PCSK1: variants seen among roughly 807,000 people sequenced by gnomAD.
PCSK1 encodes the protein neuroendocrine convertase 1.
Under a neutral mutation model 90.6 loss-of-function variants are expected in PCSK1, and 56 were observed. That is an observed-to-expected ratio of 0.62 (90% CI 0.50 to 0.77). The LOEUF (loss-of-function observed/expected upper bound fraction) is 0.77, where lower values mean the gene tolerates loss of function less well. PCSK1 is among the 30% of genes least tolerant of loss of function. The pLI is 0.00. For missense variants in PCSK1, 801 were observed against 932.6 expected (o/e 0.86, Z 1.84); for synonymous variants, 348 against 342.4 (o/e 1.02, Z -0.18).
At chr5:96,410,045 C>A (rs1760702771) in intron 8 of PCSK1, among the ~76,000 whole-genome samples, 1 of 152,104 alleles carries the variant, frequency 6.6e-6, no homozygotes, top group Non-Finnish European at 1.5e-5. Context: ...CTAGTTGGTC[C>A]TTTCTGTGTC....
intron 2 of PCSK1, among the ~76,000 whole-genome samples, chr5:96,427,194 A>T (rs998225109): frequency 1.3e-5 from 2 of 152,220 alleles, no homozygotes; most frequent in Admixed American, 6.5e-5. Flanking sequence ...AAAGAGCAAT[A>T]AAATGAAAAC....
Position 96,410,913 on chromosome 5 carries a change from C to T in PCSK1, c.956G>A (p.Cys319Tyr), listed in dbSNP as rs750942658. ...GTAGATGCTGTCTGTGTAGCCATCA[C>T]AGTCACAATTATCTCCCTGACGCCC... ...NGGRQGDNCD[C>Y]DGYTDSIYTI... The change falls in exon 8 of 14, where the codon TGT becomes TAT. Residue 319 changes from cysteine (C) to tyrosine (Y), a missense_variant. Cys to Tyr is a radical substitution (Grantham distance 194). Coordinates refer to ENST00000311106, the MANE Select transcript of PCSK1 (RefSeq NM_000439.5). The T allele has an allele frequency of 1.9e-6, 3 of 1,613,384 alleles. No individual in the cohort carries two copies. The highest frequency in any genetic ancestry group is 2.5e-6 in the Non-Finnish European group (3 of 1,179,804).
At chr5:96,402,273 G>A (rs567393661) in intron 9 of PCSK1, among the ~76,000 whole-genome samples, 2 of 152,196 alleles carry the variant, frequency 1.3e-5, no homozygotes, top group South Asian at 2.1e-4. Flanking sequence ...CACGACACAC[G>A]GGGAAGCTGC....
chr5:96,391,195 G>A lies in PCSK1; in HGVS notation c.*1806C>T, dbSNP rs559780475. ...TAGGAGAACATTCTCTAAGCATTAC[G>A]GGCATTGCTCTGCAAACACCCTCTA... On this transcript the variant is annotated 3_prime_UTR_variant, in exon 14 of 14. Transcript: ENST00000311106. The A allele has an allele frequency of 1.3e-5, 2 of 152,240 alleles. No individual in the cohort carries two copies. Among genetic ancestry groups the A allele is most frequent in the Admixed American group, 6.5e-5 (1 of 15,286 alleles). The allele number at this position is 152,240 out of a possible 1,614,324, so 9.4% of individuals were successfully genotyped here. A position where few individuals can be genotyped will look rare whatever the true frequency, so the allele number is the denominator to read the frequency against.
intron 12 of PCSK1, among the ~76,000 whole-genome samples, chr5:96,395,815 T>C (rs568991247): frequency 1.4e-5 from 2 of 142,040 alleles, no homozygotes; most frequent in Admixed American, 7.2e-5. Flanking sequence ...AAGAGGTCTA[T>C]AAAGTTCAAT....
chr5:96,428,639 A>G (rs1561378359), intron 2 of PCSK1, among the ~76,000 whole-genome samples: 1 of 152,190 alleles, frequency 6.6e-6, no homozygotes, highest in South Asian at 2.1e-4. Flanking sequence ...CCAACAATAG[A>G]TTACTTATGG....
intron 11 of PCSK1, among the ~76,000 whole-genome samples, chr5:96,397,973 TAAAG>T (rs958923647): frequency 2.0e-5 from 3 of 152,038 alleles, no homozygotes; most frequent in Admixed American, 2.0e-4. Context: ...ATTAATTTCT[TAAAG>T]ATATATTAAT....
At chr5:96,415,588 T>A (rs945086756) in intron 6 of PCSK1, among the ~76,000 whole-genome samples, 1 of 152,174 alleles carries the variant, frequency 6.6e-6, no homozygotes, top group Non-Finnish European at 1.5e-5. Flanking sequence ...AAGATAAAAT[T>A]TGGCTATTTA....
At chr5:96,405,731 AAAAG>A (rs1760537817) in intron 9 of PCSK1, among the ~76,000 whole-genome samples, 1 of 152,224 alleles carries the variant, frequency 6.6e-6, no homozygotes, top group Non-Finnish European at 1.5e-5. Flanking sequence ...ACTATACAGA[AAAAG>A]AAGCCTTGAG....
intron 9 of PCSK1, among the ~76,000 whole-genome samples, chr5:96,407,497 A>ACT (rs1279622342): frequency 0.02 from 3,054 of 152,300 alleles, 104 homozygotes; most frequent in African/African-American, 0.07. Flanking sequence ...TCCTGGAGGG[A>ACT]ATATAAAATG....
At position 96,430,310 on chromosome 5, in the gene PCSK1, T is replaced by G. The variant is rs1761452026; in HGVS notation, c.181-993A>C. On this transcript the variant is annotated intron_variant, in intron 1 of 13. Transcript: ENST00000311106. ...ACCAAATCCTCTAGGTAACCCTGCA[T>G]TTTTAAAATTAAGAAACAAACAGTT... Among the ~76,000 whole-genome samples, 5 of 152,360 alleles carry G rather than the reference T, an allele frequency of 3.3e-5. 1 individual carries two copies. The South Asian group carries it at 1.0e-3, about 32-fold the overall frequency.
intron 5 of PCSK1, among the ~76,000 whole-genome samples, chr5:96,420,509 C>A (rs1254138790): frequency 6.6e-6 from 1 of 152,124 alleles, no homozygotes; most frequent in Non-Finnish European, 1.5e-5. Flanking sequence ...TAGTCACCCT[C>A]AAAGAAATAA....
intron 1 of PCSK1, among the ~76,000 whole-genome samples, chr5:96,431,113 C>T (rs1385777411): frequency 1.3e-5 from 2 of 152,182 alleles, no homozygotes; most frequent in Admixed American, 1.3e-4. Flanking sequence ...TGTCCACCCC[C>T]ATAGGTCATA....
chr5:96,413,227 G>A (rs1760829088), intron 6 of PCSK1, among the ~76,000 whole-genome samples: 1 of 152,148 alleles, frequency 6.6e-6, no homozygotes, highest in South Asian at 2.1e-4. Context: ...CACCCCCAAG[G>A]GGAATCATTT....
At chr5:96,403,297 G>T (rs1033784683) in intron 9 of PCSK1, among the ~76,000 whole-genome samples, 1 of 151,770 alleles carries the variant, frequency 6.6e-6, no homozygotes, top group Non-Finnish European at 1.5e-5. Flanking sequence ...TAAGTTCTAG[G>T]GTACATGTGC....
intron 12 of PCSK1, among the ~76,000 whole-genome samples, chr5:96,395,916 T>C (rs970564184): frequency 3.3e-5 from 5 of 152,292 alleles, no homozygotes; most frequent in Admixed American, 6.5e-5. Context: ...GGCTCAACAA[T>C]TATAAATAAT....
At chr5:96,430,569 C>A (rs1761459331) in intron 1 of PCSK1, among the ~76,000 whole-genome samples, 1 of 152,056 alleles carries the variant, frequency 6.6e-6, no homozygotes, top group Non-Finnish European at 1.5e-5. Flanking sequence ...CTACCTTAAT[C>A]CAAGCTTTAT....
intron 1 of PCSK1, chr5:96,432,214 C>G: frequency 8.2e-7 from 1 of 1,225,446 alleles, no homozygotes; most frequent in Non-Finnish European, 1.2e-6. Flanking sequence ...GCCGGAGCTC[C>G]CTAGAGAGTC....
chr5:96,425,036 G>GAAAT (rs1192324443), intron 3 of PCSK1, among the ~76,000 whole-genome samples: 1 of 139,110 alleles, frequency 7.2e-6, no homozygotes, highest in African/African-American at 2.9e-5. Flanking sequence ...AAGAAAGAAA[G>GAAAT]AAAGAAAGAA....
Sources: gnomAD v4.1 joint callset for allele counts (sites outside exome capture counted in the v4.1 genomes callset) on GRCh38, gnomAD v4.1.1 for gene constraint, MANE v1.5 for transcripts, NCBI Gene and HGNC (gene_info 2026-07-23, HGNC 2026-07-21) for gene names.